The following APBA1 variants were observed in gnomAD, a reference collection of about 807,000 sequenced individuals.
The protein encoded by APBA1 is amyloid beta precursor protein binding family A member 1.
Under a neutral mutation model 86.6 loss-of-function variants are expected in APBA1, and 55 were observed. The ratio of observed to expected loss-of-function variants is 0.64; its 90% confidence interval spans 0.51 to 0.80. The LOEUF (loss-of-function observed/expected upper bound fraction) is 0.80. APBA1 is among the 30% of genes least tolerant of loss of function. APBA1 has a pLI of 0.00. For synonymous variants in APBA1, 511 were observed against 493.9 expected, an observed-to-expected ratio of 1.03 and a Z score of -0.46; for missense variants, 1,090 against 1,183.0, an observed-to-expected ratio of 0.92 and a Z score of 1.15.
At chr9:69,623,428 T>C (rs1220687747) in intron 1 of APBA1, among the ~76,000 whole-genome samples, 1 of 152,076 alleles carries the variant, frequency 6.6e-6, no homozygotes, top group Non-Finnish European at 1.5e-5. Flanking sequence ...CTTTTAGCTT[T>C]TGCATATCCT....
At chr9:69,475,924 A>G in intron 3 of APBA1, 124 bp downstream of exon 3, 1 of 767,030 alleles carries the variant, frequency 1.3e-6, no homozygotes, top group Admixed American at 2.1e-5. Flanking sequence ...AGGAGAAATC[A>G]GGATTGTTCT....
At chr9:69,548,765 A>G (rs991855282) in intron 1 of APBA1, among the ~76,000 whole-genome samples, 1 of 152,238 alleles carries the variant, frequency 6.6e-6, no homozygotes, top group Admixed American at 6.5e-5. Flanking sequence ...CATGTTGGAC[A>G]TGCTCTAGAT....
intron 1 of APBA1, among the ~76,000 whole-genome samples, chr9:69,549,435 G>A (rs1213555852): frequency 2.0e-5 from 3 of 152,112 alleles, no homozygotes; most frequent in African/African-American, 7.2e-5. Flanking sequence ...CTTGCCCTCT[G>A]CCCCACTTTC....
At chr9:69,525,497 C>T (rs1346670814) in intron 1 of APBA1, among the ~76,000 whole-genome samples, 1 of 151,328 alleles carries the variant, frequency 6.6e-6, no homozygotes, top group African/African-American at 2.4e-5. Flanking sequence ...GTGCCCCCCA[C>T]CCCCCAAAAA....
chr9:69,595,347 G>A lies in APBA1; in HGVS notation c.-70+76806C>T, dbSNP rs553311571. On this transcript the variant is annotated intron_variant, in intron 1 of 12. Coordinates refer to ENST00000265381, the MANE Select transcript of APBA1 (RefSeq NM_001163.4). ...TTAGGGGCAACATCAAAAGCATACTGAAGAAAATCCACCTAGTTCCCAATG... is the reference window on the plus strand; with the variant it reads ...TTAGGGGCAACATCAAAAGCATACTAAAGAAAATCCACCTAGTTCCCAATG... Among the ~76,000 whole-genome samples, 11 of 152,270 alleles carry A rather than the reference G, an allele frequency of 7.2e-5. No homozygotes were observed. In the South Asian group the frequency reaches 2.3e-3, roughly 32 times the overall value.
At chr9:69,661,065 G>A (rs1823744225) in intron 1 of APBA1, among the ~76,000 whole-genome samples, 1 of 152,114 alleles carries the variant, frequency 6.6e-6, no homozygotes, top group Non-Finnish European at 1.5e-5. Context: ...AACATTTTGT[G>A]AAGCAAAAAT....
chr9:69,517,234 G>A lies in APBA1; in HGVS notation c.-24C>T, dbSNP rs1752637925. 3 of 1,443,332 alleles carry A rather than the reference G, an allele frequency of 2.1e-6. No homozygotes were observed. Among genetic ancestry groups the A allele is most frequent in the Non-Finnish European group, 1.8e-6 (2 of 1,098,806 alleles). The allele number at this position is 1,443,332 out of a possible 1,614,324, so 89.4% of individuals were successfully genotyped here. ...ATGGTGGGAGTCGGAACGGCTAGGAGAGAAGCTGGGCCCGGCTCACTGCGC... is the reference window on the plus strand; with the variant it reads ...ATGGTGGGAGTCGGAACGGCTAGGAAAGAAGCTGGGCCCGGCTCACTGCGC... On this transcript the variant is annotated 5_prime_UTR_variant, in exon 2 of 13. Transcript: ENST00000265381.
At chr9:69,568,869 G>A (rs1837071965) in intron 1 of APBA1, among the ~76,000 whole-genome samples, 1 of 152,214 alleles carries the variant, frequency 6.6e-6, no homozygotes, top group Non-Finnish European at 1.5e-5. Context: ...TGACTGGCAT[G>A]AGAAAGTACT....
chr9:69,569,456 T>C (rs1220849177), intron 1 of APBA1, among the ~76,000 whole-genome samples: 2 of 104,098 alleles, frequency 1.9e-5, no homozygotes, highest in East Asian at 7.1e-4. Context: ...TGAGTGTGTG[T>C]GTGTGTGTGT....
intron 3 of APBA1, chr9:69,472,365 T>A (rs1835380298): frequency 6.6e-6 from 1 of 152,348 alleles, no homozygotes; most frequent in African/African-American, 2.4e-5. Context: ...AGAGCCTGAC[T>A]AGATGGCAGC....
chr9:69,603,427 C>T (rs1310262383), intron 1 of APBA1, among the ~76,000 whole-genome samples: 1 of 152,186 alleles, frequency 6.6e-6, no homozygotes, highest in East Asian at 1.9e-4. Context: ...TGTGAAATAT[C>T]CTGATCAGCT....
At chr9:69,533,331 T>C (rs756387178) in intron 1 of APBA1, among the ~76,000 whole-genome samples, 8 of 152,132 alleles carry the variant, frequency 5.3e-5, no homozygotes, top group Non-Finnish European at 1.0e-4. Context: ...TTTTTGTACA[T>C]TACGATGTTT....
intron 1 of APBA1, among the ~76,000 whole-genome samples, chr9:69,586,201 A>G (rs562572803): frequency 5.3e-5 from 8 of 152,282 alleles, no homozygotes; most frequent in African/African-American, 1.9e-4. Flanking sequence ...TGGCCTTTAC[A>G]GCAACTAACT....
intron 10 of APBA1, among the ~76,000 whole-genome samples, chr9:69,441,339 C>A (rs538430834): frequency 6.6e-6 from 1 of 152,172 alleles, no homozygotes; most frequent in South Asian, 2.1e-4. Context: ...TCTTAGCCCA[C>A]GCACAGATGG....
chr9:69,571,654 A>T (rs1156288611), intron 1 of APBA1, among the ~76,000 whole-genome samples: 1 of 152,170 alleles, frequency 6.6e-6, no homozygotes, highest in Non-Finnish European at 1.5e-5. Context: ...ATCATTAGAC[A>T]ATGGAAAAAG....
chr9:69,598,781 C>A (rs1822287318), intron 1 of APBA1, among the ~76,000 whole-genome samples: 1 of 152,054 alleles, frequency 6.6e-6, no homozygotes, highest in African/African-American at 2.4e-5. Context: ...CTGGAATACA[C>A]CAGGAAATGG....
intron 1 of APBA1, among the ~76,000 whole-genome samples, chr9:69,538,058 TG>T (rs1051129376): frequency 4.7e-4 from 70 of 149,730 alleles, no homozygotes; most frequent in African/African-American, 1.7e-3. Context: ...GCTGGAGCCT[TG>T]AAAAAAAAAT....
At chr9:69,556,172 C>A (rs1836857039) in intron 1 of APBA1, among the ~76,000 whole-genome samples, 1 of 152,136 alleles carries the variant, frequency 6.6e-6, no homozygotes, top group Non-Finnish European at 1.5e-5. Context: ...ATGATATAAA[C>A]ATAATGAAGA....
intron 1 of APBA1, among the ~76,000 whole-genome samples, chr9:69,659,733 T>C (rs189790826): frequency 4.6e-5 from 7 of 152,226 alleles, no homozygotes; most frequent in African/African-American, 1.4e-4. Flanking sequence ...AACACTGGCT[T>C]AAAATTCTGT....
Sources: gnomAD v4.1 joint callset for allele counts (sites outside exome capture counted in the v4.1 genomes callset) on GRCh38, gnomAD v4.1.1 for gene constraint, MANE v1.5 for transcripts, NCBI Gene and HGNC (gene_info 2026-07-23, HGNC 2026-07-21) for gene names.